PCDH15: variants seen among roughly 807,000 people sequenced by gnomAD.
The protein encoded by PCDH15 is protocadherin related 15.
In PCDH15, 129 loss-of-function variants were observed where a neutral mutation model predicts 178.5. The ratio of observed to expected loss-of-function variants is 0.72; its 90% CI spans 0.63 to 0.84. The LOEUF (loss-of-function observed/expected upper bound fraction) is 0.84, where lower values mean the gene tolerates loss of function less well. Among genes scored for constraint, PCDH15 ranks in the 40% least tolerant of loss-of-function variants. The pLI is 0.00. For synonymous variants in PCDH15, 800 were observed against 732.0 expected, an observed-to-expected ratio of 1.09 and a Z score of -1.50; for missense variants, 2,230 against 2,099.9, an observed-to-expected ratio of 1.06 and a Z score of -1.21.
intron 2 of PCDH15, among the ~76,000 whole-genome samples, chr10:55,351,041 C>G (rs1416014018): frequency 9.3e-6 from 1 of 107,850 alleles, no homozygotes; most frequent in African/African-American, 3.4e-5. Context: ...CCCTCTCCCT[C>G]CTCCCCCTCC....
chr10:54,147,046 A>C (rs1165085561), intron 14 of PCDH15, among the ~76,000 whole-genome samples: 2 of 146,544 alleles, frequency 1.4e-5, no homozygotes, highest in Non-Finnish European at 3.0e-5. Flanking sequence ...TAATATATAT[A>C]TTTGTTCATA....
chr10:54,235,347 A>T (rs1358923003), intron 9 of PCDH15, among the ~76,000 whole-genome samples: 1 of 152,224 alleles, frequency 6.6e-6, no homozygotes, highest in African/African-American at 2.4e-5. Flanking sequence ...TTCACAGGGT[A>T]GGTGATCGTT....
intron 8 of PCDH15, among the ~76,000 whole-genome samples, chr10:54,240,268 A>ATT (rs146288646): frequency 1.6e-4 from 24 of 150,558 alleles, no homozygotes; most frequent in Middle Eastern, 3.5e-3. Context: ...CAGTTCAAGT[A>ATT]TTTTTTTTTA....
At chr10:55,109,374 C>T (rs1052807280) in intron 2 of PCDH15, among the ~76,000 whole-genome samples, 3 of 152,050 alleles carry the variant, frequency 2.0e-5, no homozygotes, top group African/African-American at 7.2e-5. Context: ...AAACTTATTA[C>T]CCTAAATTAA....
chr10:54,553,428 C>A (rs771422185), intron 2 of PCDH15, among the ~76,000 whole-genome samples: 1 of 152,118 alleles, frequency 6.6e-6, no homozygotes, highest in Non-Finnish European at 1.5e-5. Flanking sequence ...GAAATAGAAT[C>A]TATTTTAGGA....
intron 2 of PCDH15, among the ~76,000 whole-genome samples, chr10:55,122,946 A>C (rs1275726557): frequency 6.6e-6 from 1 of 152,130 alleles, no homozygotes; most frequent in East Asian, 1.9e-4. Flanking sequence ...TTAAGGTAAA[A>C]ATTTAGAAAC....
At chr10:55,094,233 C>G (rs1222179709) in intron 2 of PCDH15, among the ~76,000 whole-genome samples, 1 of 151,914 alleles carries the variant, frequency 6.6e-6, no homozygotes, top group Non-Finnish European at 1.5e-5. Flanking sequence ...GAGTTCATGT[C>G]CCTTGTAGGG....
chr10:53,918,720 AC>A (rs2083743089), intron 25 of PCDH15, among the ~76,000 whole-genome samples: 1 of 5,822 alleles, frequency 1.7e-4, no homozygotes, highest in Non-Finnish European at 2.4e-4. Flanking sequence ...ACAAACACAC[AC>A]ACACACACAC....
chr10:55,529,193 T>C (rs1314485481), intron 2 of PCDH15, among the ~76,000 whole-genome samples: 2 of 152,144 alleles, frequency 1.3e-5, no homozygotes, highest in Non-Finnish European at 2.9e-5. Flanking sequence ...CTCACTCTGA[T>C]GGTAGTTTCT....
chr10:54,892,471 G>T (rs987269819), intron 3 of PCDH15, among the ~76,000 whole-genome samples: 13 of 151,114 alleles, frequency 8.6e-5, no homozygotes, highest in African/African-American at 3.2e-4. Context: ...GTAAAAAAAT[G>T]CAAAAAAAAT....
intron 2 of PCDH15, among the ~76,000 whole-genome samples, chr10:55,503,451 G>A (rs908324974): frequency 1.3e-5 from 2 of 149,516 alleles, no homozygotes; most frequent in African/African-American, 2.4e-5. Flanking sequence ...ATTTTGATGT[G>A]ATGGAATCTT....
At chr10:55,440,119 T>C (rs903125613) in intron 2 of PCDH15, among the ~76,000 whole-genome samples, 1 of 152,230 alleles carries the variant, frequency 6.6e-6, no homozygotes, top group African/African-American at 2.4e-5. Flanking sequence ...TAAAAATAAA[T>C]GGTCAATATC....
chr10:53,941,163 A>G (rs903761715), intron 23 of PCDH15, among the ~76,000 whole-genome samples, 188 bp from the exon 24 acceptor site: 2 of 152,164 alleles, frequency 1.3e-5, no homozygotes, highest in African/African-American at 4.8e-5. Flanking sequence ...ATGAACCTAC[A>G]TTGACCCATT....
intron 2 of PCDH15, among the ~76,000 whole-genome samples, chr10:55,442,595 T>C (rs1382061483): frequency 6.7e-6 from 1 of 150,278 alleles, no homozygotes; most frequent in African/African-American, 2.4e-5. Context: ...TGGGTGGGGA[T>C]AGCCTTTGTA....
intron 8 of PCDH15, among the ~76,000 whole-genome samples, chr10:54,284,255 G>C (rs2058895158): frequency 6.6e-6 from 1 of 152,174 alleles, no homozygotes; most frequent in South Asian, 2.1e-4. Flanking sequence ...ATGGATGTCT[G>C]TTAATTTTGT....
intron 9 of PCDH15, among the ~76,000 whole-genome samples, chr10:54,234,420 G>T (rs1228166809): frequency 1.3e-5 from 2 of 152,080 alleles, no homozygotes; most frequent in Non-Finnish European, 2.9e-5. Flanking sequence ...TCAGGTAGTG[G>T]CTCACGCCTG....
intron 33 of PCDH15, 125 bp downstream of exon 33, chr10:53,820,038 CTT>C (rs1475450887): frequency 3.1e-5 from 12 of 391,656 alleles, no homozygotes; most frequent in East Asian, 2.5e-4. Context: ...TTGGACTTCT[CTT>C]ATTTCTTTTG....
At chr10:53,902,909 T>C (rs890919840) in intron 26 of PCDH15, among the ~76,000 whole-genome samples, 4 of 152,136 alleles carry the variant, frequency 2.6e-5, no homozygotes, top group Admixed American at 2.6e-4. Context: ...TTTATATTTG[T>C]CATTAGAGAT....
intron 1 of PCDH15, among the ~76,000 whole-genome samples, chr10:54,709,915 G>A (rs940007918): frequency 6.9e-6 from 1 of 144,556 alleles, no homozygotes; most frequent in Admixed American, 7.1e-5. Context: ...GTGTATATGT[G>A]TGTAAGTGTT....
Sources: allele counts gnomAD v4.1 joint callset (sites outside exome capture counted in the v4.1 genomes callset), GRCh38; gene constraint gnomAD v4.1.1; transcripts MANE v1.5; gene names NCBI Gene and HGNC (gene_info 2026-07-23, HGNC 2026-07-21).